CNTNAP2: variants seen among roughly 807,000 people sequenced by gnomAD.
The protein encoded by CNTNAP2 is contactin associated protein 2.
In CNTNAP2, 98 loss-of-function variants were observed where a neutral mutation model predicts 155.2. The observed-to-expected ratio is 0.63, with a 90% CI of 0.54 to 0.75. The LOEUF (loss-of-function observed/expected upper bound fraction) is 0.75. Among genes scored for constraint, CNTNAP2 ranks in the 30% least tolerant of loss-of-function variants. The pLI, the probability that CNTNAP2 is intolerant of heterozygous loss-of-function variation, is 0.00. For missense variants in CNTNAP2, 1,727 were observed against 1,688.1 expected (o/e 1.02, Z -0.40); for synonymous variants, 651 against 631.2 (o/e 1.03, Z -0.47).
chr7:146,732,022 G>A (rs1030829834), intron 1 of CNTNAP2, among the ~76,000 whole-genome samples: 1 of 152,120 alleles, frequency 6.6e-6, no homozygotes, highest in South Asian at 2.1e-4. Context: ...TATTCCCAGC[G>A]AGTACCTATC....
chr7:147,148,385 G>A (rs1374056499), intron 8 of CNTNAP2, among the ~76,000 whole-genome samples: 8 of 109,536 alleles, frequency 7.3e-5, no homozygotes, highest in South Asian at 6.1e-4. Context: ...GCGAGACTCC[G>A]TCTCAAAAAA....
chr7:148,160,277 T>A (rs1805493927), intron 17 of CNTNAP2, among the ~76,000 whole-genome samples: 1 of 151,166 alleles, frequency 6.6e-6, no homozygotes, highest in African/African-American at 2.5e-5. Context: ...CCAGGCATAA[T>A]GATGTGCGCC....
At chr7:146,831,173 A>C (rs775971148) in intron 2 of CNTNAP2, among the ~76,000 whole-genome samples, 40 of 152,124 alleles carry the variant, frequency 2.6e-4, no homozygotes, top group Middle Eastern at 6.3e-3. Flanking sequence ...TTTACAACTC[A>C]CATGCTAGAC....
chr7:146,427,740 C>T (rs545219967), intron 1 of CNTNAP2, among the ~76,000 whole-genome samples: 1 of 152,254 alleles, frequency 6.6e-6, no homozygotes, highest in East Asian at 1.9e-4. Context: ...TTTTAAAAAA[C>T]TGTTTTCAAC....
chr7:147,406,170 G>A (rs1797001363), intron 10 of CNTNAP2, among the ~76,000 whole-genome samples: 1 of 150,878 alleles, frequency 6.6e-6, no homozygotes, highest in Non-Finnish European at 1.5e-5. Context: ...AGGAGTCTTT[G>A]CATTCCAAAT....
intron 9 of CNTNAP2, among the ~76,000 whole-genome samples, chr7:147,322,000 T>C (rs545750171): frequency 6.6e-6 from 1 of 152,364 alleles, no homozygotes; most frequent in African/African-American, 2.4e-5. Context: ...TCAAGGCTAA[T>C]GCAGTGTTCC....
In CNTNAP2 at chr7:147,938,363, T is replaced by C. The variant is rs574156998; in HGVS notation, c.2255+34642T>C. ...CTAGGACCAATTGGATGGATTATGATAAAGAGACTAGACACTGACCCATAC... is the reference window on the plus strand; with the variant it reads ...CTAGGACCAATTGGATGGATTATGACAAAGAGACTAGACACTGACCCATAC... On this transcript the variant is annotated intron_variant, in intron 14 of 23. Transcript: ENST00000361727. Among the ~76,000 whole-genome samples the C allele has an allele frequency of 2.8e-3, 424 of 152,178 alleles. 3 individuals carry two copies. The highest frequency in any genetic ancestry group is 9.9e-3 in the African/African-American group (412 of 41,510).
At chr7:148,268,591 C>A (rs1796717497) in intron 21 of CNTNAP2, among the ~76,000 whole-genome samples, 1 of 151,898 alleles carries the variant, frequency 6.6e-6, no homozygotes. Flanking sequence ...GGAGGCGGAG[C>A]TTACAGTGAG....
intron 4 of CNTNAP2, among the ~76,000 whole-genome samples, chr7:147,055,298 A>G (rs1166422965): frequency 6.6e-6 from 1 of 152,238 alleles, no homozygotes; most frequent in East Asian, 1.9e-4. Context: ...TGAAATGGAG[A>G]TGCTTCATAA....
chr7:146,914,244 G>A (rs1040444162), intron 3 of CNTNAP2, among the ~76,000 whole-genome samples: 1 of 151,996 alleles, frequency 6.6e-6, no homozygotes, highest in Non-Finnish European at 1.5e-5. Flanking sequence ...TGTGAATGGT[G>A]ATGCTATAAA....
intron 1 of CNTNAP2, among the ~76,000 whole-genome samples, chr7:146,297,922 T>C (rs930119244): frequency 2.0e-5 from 3 of 152,188 alleles, no homozygotes; most frequent in African/African-American, 7.2e-5. Flanking sequence ...AAAAAAACTT[T>C]ATTATATGAA....
At chr7:147,649,115 G>T (rs1169493073) in intron 13 of CNTNAP2, among the ~76,000 whole-genome samples, 1 of 152,084 alleles carries the variant, frequency 6.6e-6, no homozygotes, top group African/African-American at 2.4e-5. Flanking sequence ...TTTTATTAAG[G>T]GTAGCTCGAG....
intron 18 of CNTNAP2, among the ~76,000 whole-genome samples, chr7:148,189,337 A>T (rs1290609994): frequency 6.6e-6 from 1 of 152,216 alleles, no homozygotes; most frequent in Non-Finnish European, 1.5e-5. Context: ...ATTTAGAAAG[A>T]CGGCAAGCAA....
At chr7:146,262,983 G>A (rs949429090) in intron 1 of CNTNAP2, among the ~76,000 whole-genome samples, 7 of 152,096 alleles carry the variant, frequency 4.6e-5, no homozygotes, top group African/African-American at 1.7e-4. Context: ...TGTGGGTAGT[G>A]GGGTAGTAAG....
chr7:146,202,625 C>G (rs1798883146), intron 1 of CNTNAP2, among the ~76,000 whole-genome samples: 1 of 151,886 alleles, frequency 6.6e-6, no homozygotes, highest in Non-Finnish European at 1.5e-5. Context: ...TGGTGAACAA[C>G]TGCACAGAAT....
At chr7:146,541,838 T>C (rs1797957680) in intron 1 of CNTNAP2, among the ~76,000 whole-genome samples, 1 of 151,986 alleles carries the variant, frequency 6.6e-6, no homozygotes, top group South Asian at 2.1e-4. Flanking sequence ...AAACCTCTCA[T>C]TTGCCCTGCC....
At chr7:147,821,911 A>T (rs530213982) in intron 13 of CNTNAP2, among the ~76,000 whole-genome samples, 1 of 152,330 alleles carries the variant, frequency 6.6e-6, no homozygotes, top group East Asian at 1.9e-4. Context: ...TTAAAAAACA[A>T]AAAGCATTCA....
chr7:147,923,204 C>A (rs745648037), intron 14 of CNTNAP2, among the ~76,000 whole-genome samples: 10 of 152,136 alleles, frequency 6.6e-5, no homozygotes, highest in Non-Finnish European at 1.3e-4. Flanking sequence ...ATATTGTGAA[C>A]GTGACATGTT....
chr7:146,393,743 ATT>A (rs59269333), intron 1 of CNTNAP2, among the ~76,000 whole-genome samples: 1 of 147,408 alleles, frequency 6.8e-6, no homozygotes, highest in Admixed American at 6.8e-5. Flanking sequence ...CCATTTAATC[ATT>A]TTTTTTTTCC....
Sources: gnomAD v4.1 joint callset for allele counts (sites outside exome capture counted in the v4.1 genomes callset) on GRCh38, gnomAD v4.1.1 for gene constraint, MANE v1.5 for transcripts, NCBI Gene and HGNC (gene_info 2026-07-23, HGNC 2026-07-21) for gene names.